RTTN: variants seen among roughly 807,000 people sequenced by gnomAD.
RTTN encodes the protein rotatin.
Under a neutral mutation model 269.2 loss-of-function variants are expected in RTTN, and 182 were observed. That is an observed-to-expected ratio of 0.68 (90% CI 0.60 to 0.76). The LOEUF (loss-of-function observed/expected upper bound fraction) is 0.76, where lower values mean the gene tolerates loss of function less well. Among genes scored for constraint, RTTN ranks in the 30% least tolerant of loss-of-function variants. The pLI, the probability that RTTN is intolerant of heterozygous loss-of-function variation, is 0.00. For missense variants in RTTN, 2,545 were observed against 2,608.6 expected, an observed-to-expected ratio of 0.98 and a Z score of 0.53; for synonymous variants, 1,006 against 963.5, an observed-to-expected ratio of 1.04 and a Z score of -0.82.
At chr18:70,164,109 A>G (rs1459100433) in intron 14 of RTTN, among the ~76,000 whole-genome samples, 4 of 152,264 alleles carry the variant, frequency 2.6e-5, no homozygotes, top group Admixed American at 2.0e-4. Flanking sequence ...TAAAGTTTCA[A>G]TTTGGGAGAT....
intron 8 of RTTN, chr18:70,193,068 C>A: frequency 2.1e-6 from 1 of 483,198 alleles, no homozygotes; most frequent in Non-Finnish European, 3.6e-6. Flanking sequence ...TGTTCAAGTA[C>A]TGAGCACTGA....
Position 70,020,716 on chromosome 18 carries a change from C to CCAACTTTAGGATACA in RTTN, c.6037_6051dup (p.Cys2013_Leu2017dup), listed in dbSNP as rs2056678562. ...GTGTTCTCCAGTGGCATCTGGGAAG[C>CCAACTTTAGGATACA]CAACTTTAGGATACACAGCATCAGA... On this transcript the variant is annotated inframe_insertion, in exon 45 of 49. Transcript: ENST00000640769. 6.2e-7 allele frequency: 1 copy of CCAACTTTAGGATACA among 1,613,942 alleles called. No individual in the cohort carries two copies. The highest frequency in any genetic ancestry group is 1.3e-5 in the African/African-American group (1 of 74,914).
Position 70,150,625 on chromosome 18 carries a change from G to A in RTTN, c.2038C>T (p.Gln680Ter), listed in dbSNP as rs1295026680. The change falls in exon 15 of 49, where the codon CAA (glutamine) becomes TAA (stop). Residue 680 changes from glutamine (Q) to a stop codon, truncating the protein, a stop_gained. Transcript: ENST00000640769. LOFTEE classifies it high-confidence loss of function. ...TGTCATACCTCACTTTCGGGCTCTT[G>A]AATGCCAAATACAGAGATTTCATAC... Reference protein sequence around the residue: ...VLYEISVFGIQEPESEVNTAA... With the variant: ...VLYEISVFGI 6.2e-7 allele frequency: 1 copy of A among 1,612,074 alleles called. No individual in the cohort carries two copies. Among genetic ancestry groups the A allele is most frequent in the Non-Finnish European group, 8.5e-7 (1 of 1,178,844 alleles).
chr18:70,013,768 T>C (rs182609508), intron 46 of RTTN, among the ~76,000 whole-genome samples: 1 of 152,312 alleles, frequency 6.6e-6, no homozygotes, highest in African/African-American at 2.4e-5. Flanking sequence ...CAGTGAGTTG[T>C]CAGTTATGGT....
intron 33 of RTTN, 185 bp downstream of exon 33, chr18:70,075,163 AAAAC>A (rs1412523640): frequency 1.3e-5 from 6 of 454,566 alleles, no homozygotes; most frequent in Admixed American, 9.0e-5. Flanking sequence ...ATAATTACAT[AAAAC>A]AAACAAAGGC....
chr18:70,020,401 GA>G (rs1421741634), intron 45 of RTTN, among the ~76,000 whole-genome samples: 2 of 152,150 alleles, frequency 1.3e-5, no homozygotes, highest in Non-Finnish European at 2.9e-5. Context: ...AAATGAGAAG[GA>G]AATGGTATGA....
intron 33 of RTTN, chr18:70,074,737 C>T (rs1418368963): frequency 2.0e-5 from 3 of 151,284 alleles, no homozygotes; most frequent in Non-Finnish European, 4.4e-5. Flanking sequence ...TATTAAATTA[C>T]TATTTATTAC....
chr18:70,185,946 GT>G (rs926731067), intron 10 of RTTN, among the ~76,000 whole-genome samples: 80 of 151,686 alleles, frequency 5.3e-4, no homozygotes, highest in African/African-American at 1.8e-3. Flanking sequence ...AAGAATAAGT[GT>G]TTTTTTAAAA....
At chr18:70,071,979 C>T (rs777097939) in intron 34 of RTTN, among the ~76,000 whole-genome samples, 11 of 152,146 alleles carry the variant, frequency 7.2e-5, no homozygotes, top group Non-Finnish European at 1.2e-4. Flanking sequence ...TCAACTTATA[C>T]CTCAATTTGT....
At chr18:70,159,590 C>G (rs970366904) in intron 14 of RTTN, among the ~76,000 whole-genome samples, 1 of 151,992 alleles carries the variant, frequency 6.6e-6, no homozygotes, top group Non-Finnish European at 1.5e-5. Context: ...CAGGGCTGAA[C>G]TGAATGAAAC....
At chr18:70,195,749 T>C (rs1308500805) in intron 7 of RTTN, among the ~76,000 whole-genome samples, 1 of 152,204 alleles carries the variant, frequency 6.6e-6, no homozygotes, top group African/African-American at 2.4e-5. Flanking sequence ...AAATCAACAT[T>C]GTAACTCTTT....
intron 28 of RTTN, among the ~76,000 whole-genome samples, chr18:70,099,073 T>C (rs7506435): frequency 0.85 from 129,415 of 152,132 alleles, 57,284 homozygotes; most frequent in East Asian, 1. Flanking sequence ...TCCATGAATA[T>C]AGCAGCATGA....
chr18:70,020,897 C>T, intron 44 of RTTN, 80 bp from the exon 45 acceptor site: 1 of 1,190,722 alleles, frequency 8.4e-7, no homozygotes, highest in Non-Finnish European at 1.2e-6. Flanking sequence ...CAAAGCATAT[C>T]TGTCTAACAA....
intron 6 of RTTN, 82 bp downstream of exon 6, chr18:70,197,542 A>G: frequency 1.2e-6 from 1 of 812,324 alleles, no homozygotes; most frequent in South Asian, 1.4e-5. Context: ...GTTCCTTCCC[A>G]AGAACTCCTA....
chr18:70,038,014 A>C (rs1363942058), intron 40 of RTTN, among the ~76,000 whole-genome samples: 1 of 150,982 alleles, frequency 6.6e-6, no homozygotes, highest in Non-Finnish European at 1.5e-5. Flanking sequence ...CCAAAAGGAG[A>C]GTCTCCTTTT....
intron 18 of RTTN, among the ~76,000 whole-genome samples, chr18:70,144,489 A>G (rs535985489): frequency 1.3e-5 from 2 of 152,326 alleles, no homozygotes; most frequent in Non-Finnish European, 2.9e-5. Flanking sequence ...TGGCAAAACC[A>G]GCATCAGGAA....
chr18:70,095,655 G>A (rs2058982088), intron 28 of RTTN, among the ~76,000 whole-genome samples: 1 of 152,152 alleles, frequency 6.6e-6, no homozygotes, highest in Admixed American at 6.5e-5. Flanking sequence ...GTCTGAGAGA[G>A]ATCCGCTGGT....
intron 40 of RTTN, among the ~76,000 whole-genome samples, chr18:70,039,126 G>C (rs989361248): frequency 4.6e-5 from 7 of 152,068 alleles, no homozygotes; most frequent in Non-Finnish European, 8.8e-5. Context: ...TTAAGACAAA[G>C]AGATAGTGGT....
chr18:70,191,560 A>G (rs2061672507), intron 8 of RTTN, among the ~76,000 whole-genome samples: 1 of 152,202 alleles, frequency 6.6e-6, no homozygotes, highest in Non-Finnish European at 1.5e-5. Flanking sequence ...AAAACGGAAC[A>G]TCCCATTGTC....
Sources: allele counts gnomAD v4.1 joint callset (sites outside exome capture counted in the v4.1 genomes callset), GRCh38; gene constraint gnomAD v4.1.1; transcripts MANE v1.5; gene names NCBI Gene and HGNC (gene_info 2026-07-23, HGNC 2026-07-21).